Variants in ESRRG observed in about 807,000 individuals in gnomAD.
ESRRG encodes estrogen related receptor gamma.
Under a neutral mutation model 44.0 loss-of-function variants are expected in ESRRG, and 13 were observed. That is an observed-to-expected ratio of 0.30 (90% CI 0.19 to 0.47). The LOEUF (loss-of-function observed/expected upper bound fraction) is 0.47. Ranked by LOEUF, ESRRG falls within the 20% of genes least tolerant of loss-of-function variation. The pLI, the probability that ESRRG is intolerant of heterozygous loss-of-function variation, is 1.00. For missense variants in ESRRG, 395 were observed against 580.6 expected, an observed-to-expected ratio of 0.68 and a Z score of 3.29; for synonymous variants, 215 against 214.6, an observed-to-expected ratio of 1.00 and a Z score of -0.02.
At chr1:216,827,754 G>C (rs1295606647) in intron 2 of ESRRG, among the ~76,000 whole-genome samples, 1 of 152,176 alleles carries the variant, frequency 6.6e-6, no homozygotes, top group Non-Finnish European at 1.5e-5. Flanking sequence ...GCAAATAAAA[G>C]CTAGTCACTC....
At chr1:216,928,564 T>C (rs892728574) in intron 2 of ESRRG, among the ~76,000 whole-genome samples, 1 of 152,170 alleles carries the variant, frequency 6.6e-6, no homozygotes, top group African/African-American at 2.4e-5. Flanking sequence ...CCTAAGCACA[T>C]TGATGATTCT....
At chr1:216,795,328 GT>G (rs71832512) in intron 2 of ESRRG, among the ~76,000 whole-genome samples, 17,810 of 142,844 alleles carry the variant, frequency 0.12, 1,935 homozygotes, top group African/African-American at 0.29. Flanking sequence ...TTATTTTATG[GT>G]TTTTTTCTTT....
chr1:216,999,262 T>C (rs2076728291), intron 1 of ESRRG, among the ~76,000 whole-genome samples: 1 of 152,176 alleles, frequency 6.6e-6, no homozygotes, highest in East Asian at 1.9e-4. Flanking sequence ...CCAACTCACA[T>C]GTACCTGCCA....
At chr1:217,025,268 T>C (rs1023237243) in intron 1 of ESRRG, among the ~76,000 whole-genome samples, 3 of 152,214 alleles carry the variant, frequency 2.0e-5, no homozygotes, top group African/African-American at 7.2e-5. Context: ...CAGAATGATT[T>C]TGCCAGTGTC....
rs148688052 is a variant in ESRRG, at chr1:216,980,688, C to T, written c.-105-41015G>A. Reference sequence around the variant, plus strand: ...TTTCTGTAACCTCAAGCTGAACCACCCCTCCACAATACTCATGTTACTTAA... The same window carrying T: ...TTTCTGTAACCTCAAGCTGAACCACTCCTCCACAATACTCATGTTACTTAA... On this transcript the variant is annotated intron_variant, in intron 1 of 7. Coordinates refer to the ESRRG transcript ENST00000359162. 4.6e-5 allele frequency among the ~76,000 whole-genome samples: 7 copies of T among 152,230 alleles called. No individual in the cohort carries two copies. The East Asian group carries it at 1.4e-3, about 29-fold the overall frequency.
intron 2 of ESRRG, among the ~76,000 whole-genome samples, chr1:216,749,773 A>G (rs748982177): frequency 7.2e-5 from 11 of 152,182 alleles, no homozygotes; most frequent in Non-Finnish European, 1.2e-4. Flanking sequence ...AGAAAACTAG[A>G]TATTAATATC....
At chr1:216,824,653 C>G (rs1559775438) in intron 2 of ESRRG, among the ~76,000 whole-genome samples, 1 of 152,088 alleles carries the variant, frequency 6.6e-6, no homozygotes, top group Non-Finnish European at 1.5e-5. Context: ...AGAAAACAGT[C>G]TTTCCTAGAG....
At chr1:217,102,510 C>T (rs907555751) in intron 1 of ESRRG, among the ~76,000 whole-genome samples, 3 of 152,192 alleles carry the variant, frequency 2.0e-5, no homozygotes, top group African/African-American at 7.2e-5. Context: ...GTTTGGGTCT[C>T]CATTGCGTAC....
intron 5 of ESRRG, among the ~76,000 whole-genome samples, chr1:216,541,962 G>C (rs2052943506): frequency 6.6e-6 from 1 of 151,856 alleles, no homozygotes; most frequent in Non-Finnish European, 1.5e-5. Flanking sequence ...TACTTCGGGA[G>C]CCGAGCCCAA....
chr1:216,594,504 T>C (rs1193489174), intron 3 of ESRRG, among the ~76,000 whole-genome samples: 1 of 152,208 alleles, frequency 6.6e-6, no homozygotes, highest in Non-Finnish European at 1.5e-5. Context: ...AACTGTCTTC[T>C]ATCAACCCTG....
intron 2 of ESRRG, among the ~76,000 whole-genome samples, chr1:216,772,691 TTTTGTTTGTTTG>T (rs528160143): frequency 6.6e-6 from 1 of 151,996 alleles, no homozygotes; most frequent in Admixed American, 6.6e-5. Flanking sequence ...ATAGTGAGTT[TTTTGTTTGTTTG>T]TTTGTTTGTT....
intron 6 of ESRRG, among the ~76,000 whole-genome samples, chr1:216,514,434 T>G (rs868825465): frequency 7.2e-5 from 11 of 152,180 alleles, no homozygotes; most frequent in African/African-American, 2.7e-4. Flanking sequence ...TATTCATTTC[T>G]CATAAAATGT....
intron 2 of ESRRG, among the ~76,000 whole-genome samples, chr1:216,810,976 C>G (rs1255654770): frequency 6.6e-6 from 1 of 151,798 alleles, no homozygotes; most frequent in Non-Finnish European, 1.5e-5. Context: ...AAAATGTAAC[C>G]TGCCTTTATG....
intron 1 of ESRRG, among the ~76,000 whole-genome samples, chr1:217,107,893 T>C (rs908815305): frequency 2.0e-5 from 3 of 152,162 alleles, no homozygotes; most frequent in African/African-American, 7.2e-5. Flanking sequence ...TGAAAATTTA[T>C]ATGTACATAT....
chr1:216,957,946 C>T (rs1478000711), intron 1 of ESRRG, among the ~76,000 whole-genome samples: 7 of 152,114 alleles, frequency 4.6e-5, no homozygotes, highest in Non-Finnish European at 1.0e-4. Flanking sequence ...CACTCAATCG[C>T]CTCCCAGAGG....
chr1:216,660,675 C>T (rs2072084162), intron 2 of ESRRG, among the ~76,000 whole-genome samples: 1 of 152,160 alleles, frequency 6.6e-6, no homozygotes, highest in Admixed American at 6.5e-5. Context: ...AATTTTGATG[C>T]CTGACATAGG....
intron 1 of ESRRG, among the ~76,000 whole-genome samples, chr1:216,954,957 G>T (rs7520445): frequency 0.32 from 48,028 of 151,896 alleles, 8,998 homozygotes; most frequent in Non-Finnish European, 0.43. Context: ...GTATAGAGTG[G>T]TATTTCGATA....
intron 1 of ESRRG, among the ~76,000 whole-genome samples, chr1:217,125,046 C>G (rs1052293237): frequency 1.3e-5 from 2 of 152,182 alleles, no homozygotes; most frequent in Non-Finnish European, 2.9e-5. Context: ...TTTCTAAATT[C>G]TCACTCCAGG....
chr1:216,868,354 C>T (rs1348442528), intron 2 of ESRRG, among the ~76,000 whole-genome samples: 1 of 152,086 alleles, frequency 6.6e-6, no homozygotes, highest in East Asian at 1.9e-4. Context: ...TCCCAAAGTG[C>T]TGGGATTACG....
Sources: allele counts gnomAD v4.1 joint callset (sites outside exome capture counted in the v4.1 genomes callset), GRCh38; gene constraint gnomAD v4.1.1; transcripts MANE v1.5; gene names NCBI Gene and HGNC (gene_info 2026-07-23, HGNC 2026-07-21).